Variants in MOXD1 observed in about 807,000 individuals in gnomAD.
MOXD1 encodes monooxygenase DBH like 1.
Under a neutral mutation model 66.6 loss-of-function variants are expected in MOXD1, and 62 were observed. The ratio of observed to expected loss-of-function variants is 0.93; its 90% CI spans 0.76 to 1.15. The LOEUF (loss-of-function observed/expected upper bound fraction) is 1.15. Among genes scored for constraint, MOXD1 ranks in the 50% most tolerant of loss-of-function variants. The probability of loss-of-function intolerance (pLI) is 0.00; values close to 1 mark genes in which losing one functional copy is unlikely to be tolerated. For missense variants in MOXD1, 847 were observed against 754.6 expected (o/e 1.12, Z -1.44); for synonymous variants, 303 against 281.9 (o/e 1.07, Z -0.75).
intron 2 of MOXD1, 151 bp downstream of exon 2, chr6:132,374,480 A>T (rs1776333034): frequency 2.5e-6 from 2 of 808,106 alleles, no homozygotes. Flanking sequence ...GTAAAAAAGA[A>T]AAAACTAAAA....
intron 4 of MOXD1, among the ~76,000 whole-genome samples, chr6:132,345,580 C>T (rs1775652689): frequency 6.6e-6 from 1 of 152,104 alleles, no homozygotes; most frequent in Admixed American, 6.6e-5. Flanking sequence ...TTGTGGTAAG[C>T]TATCATACTT....
intron 4 of MOXD1, among the ~76,000 whole-genome samples, chr6:132,349,434 TAC>T (rs1349053790): frequency 0.15 from 4,616 of 31,232 alleles, 770 homozygotes; most frequent in African/African-American, 0.3. Context: ...TATATATATA[TAC>T]ATATATATAT....
chr6:132,397,650 GAAAGAA>G (rs1776920204), intron 1 of MOXD1, among the ~76,000 whole-genome samples: 1 of 115,670 alleles, frequency 8.6e-6, no homozygotes, highest in South Asian at 2.8e-4. Context: ...AAGAAAGAAA[GAAAGAA>G]AGAAAGAAAG....
At chr6:132,392,312 A>C in intron 1 of MOXD1, 1 of 1,589,400 alleles carries the variant, frequency 6.3e-7, no homozygotes, top group Non-Finnish European at 8.6e-7. Flanking sequence ...GTAAGAAATG[A>C]TAACATATGT....
At chr6:132,355,457 G>C (rs761756980) in intron 4 of MOXD1, among the ~76,000 whole-genome samples, 4 of 152,176 alleles carry the variant, frequency 2.6e-5, no homozygotes, top group Non-Finnish European at 5.9e-5. Context: ...TATGTAGGCT[G>C]GGCCTGCTTC....
chr6:132,348,474 T>A (rs1775713138), intron 4 of MOXD1, among the ~76,000 whole-genome samples: 1 of 152,186 alleles, frequency 6.6e-6, no homozygotes, highest in African/African-American at 2.4e-5. Context: ...GTCTTACAAG[T>A]CTGATTTGTT....
rs1227813005 is a variant in MOXD1, at chr6:132,349,420, T to TAC, written c.664-20828_664-20827dup. Among the ~76,000 whole-genome samples, 4 of 62,508 alleles carry TAC rather than the reference T, an allele frequency of 6.4e-5. 1 individual carries two copies. Among genetic ancestry groups the TAC allele is most frequent in the African/African-American group, 1.0e-4 (1 of 9,678 alleles). The allele number at this position is 62,508 out of a possible 152,430, so 41.0% of individuals were successfully genotyped here. The stretch of plus-strand genomic sequence containing the variant: ...ACATATATATACATATATATATATA[T>TAC]ACATATATATATATACATATATATA... On this transcript the variant is annotated intron_variant, in intron 4 of 11. Coordinates refer to ENST00000367963, the MANE Select transcript of MOXD1 (RefSeq NM_015529.4).
At chr6:132,345,583 T>C (rs1390175933) in intron 4 of MOXD1, among the ~76,000 whole-genome samples, 1 of 152,210 alleles carries the variant, frequency 6.6e-6, no homozygotes, top group Admixed American at 6.5e-5. Context: ...TGGTAAGCTA[T>C]CATACTTAAT....
chr6:132,328,574 T>A lies in MOXD1; in HGVS notation c.684A>T (p.Arg228Ser). The change falls in exon 5 of 12, where the codon AGA becomes AGT. Residue 228 changes from arginine (R) to serine (S), a missense_variant. Arg to Ser is a moderately radical substitution (Grantham distance 110). Coordinates refer to ENST00000367963, the MANE Select transcript of MOXD1 (RefSeq NM_015529.4). ...TGTGGTGCACCAGACTCTCATGGCC[T>A]CTCTGTATCACTGGCTCAACCTACA... ...HVIKVEPVIQ[R>S]GHESLVHHIL... The A allele has an allele frequency of 1.9e-6, 3 of 1,613,558 alleles. No individual in the cohort carries two copies. Among genetic ancestry groups the A allele is most frequent in the Non-Finnish European group, 2.5e-6 (3 of 1,179,738 alleles).
chr6:132,340,080 G>A (rs558271434), intron 4 of MOXD1, among the ~76,000 whole-genome samples: 1 of 152,110 alleles, frequency 6.6e-6, no homozygotes, highest in Non-Finnish European at 1.5e-5. Flanking sequence ...GTGTTGGCCA[G>A]GCTGGTCTCA....
At chr6:132,394,801 G>A (rs1411317092) in intron 1 of MOXD1, among the ~76,000 whole-genome samples, 1 of 152,094 alleles carries the variant, frequency 6.6e-6, no homozygotes, top group Non-Finnish European at 1.5e-5. Flanking sequence ...AATGAGCAAA[G>A]CCTATATAAC....
chr6:132,398,599 C>T (rs1776949442), intron 1 of MOXD1, among the ~76,000 whole-genome samples: 1 of 152,098 alleles, frequency 6.6e-6, no homozygotes, highest in Non-Finnish European at 1.5e-5. Flanking sequence ...AGCAAAATTA[C>T]ACAAAACATG....
intron 4 of MOXD1, among the ~76,000 whole-genome samples, chr6:132,340,444 T>C (rs1389769934): frequency 2.3e-5 from 3 of 129,416 alleles, no homozygotes; most frequent in Non-Finnish European, 3.4e-5. Context: ...ACACTTTCTT[T>C]TTTTTTTTTT....
chr6:132,368,279 T>C (rs2114654922), intron 4 of MOXD1, among the ~76,000 whole-genome samples: 1 of 152,162 alleles, frequency 6.6e-6, no homozygotes, highest in African/African-American at 2.4e-5. Context: ...ACATCTAAAA[T>C]AAAGCTTAAA....
chr6:132,378,976 C>T lies in MOXD1; in HGVS notation c.265-4199G>A, dbSNP rs528904474. Among the ~76,000 whole-genome samples, 7 of 123,958 alleles carry T rather than the reference C, an allele frequency of 5.6e-5. 1 individual carries two copies. The highest frequency in any genetic ancestry group is 5.5e-4 in the South Asian group (2 of 3,616). The allele number at this position is 123,958 out of a possible 152,430, so 81.3% of individuals were successfully genotyped here. A position where few individuals can be genotyped will look rare whatever the true frequency, so the allele number is the denominator to read the frequency against. On this transcript the variant is annotated intron_variant, in intron 1 of 11. Transcript: ENST00000367963. ...GCAATGGCATGATGTCAGCTTGGTG[C>T]GATCTCAGTTTACTGCAACCTCCGC... is the stretch of plus-strand genomic sequence containing the variant.
chr6:132,340,804 G>A (rs113195074), intron 4 of MOXD1, among the ~76,000 whole-genome samples: 23 of 151,888 alleles, frequency 1.5e-4, no homozygotes, highest in Non-Finnish European at 3.1e-4. Context: ...CCGCCACCGC[G>A]CCCGGCTAAT....
At chr6:132,354,868 T>G (rs570666753) in intron 4 of MOXD1, among the ~76,000 whole-genome samples, 117 of 152,186 alleles carry the variant, frequency 7.7e-4, no homozygotes, top group African/African-American at 2.7e-3. Context: ...CCCAGGTCAA[T>G]GGAGTCATCT....
At chr6:132,303,928 A>T (rs1774630224) in intron 10 of MOXD1, among the ~76,000 whole-genome samples, 1 of 140,556 alleles carries the variant, frequency 7.1e-6, no homozygotes, top group East Asian at 2.1e-4. Context: ...CCCTGGACCA[A>T]TCCAATCCAT....
chr6:132,373,640 ATCGGTT>A (rs1290324048), intron 2 of MOXD1, among the ~76,000 whole-genome samples: 4 of 152,302 alleles, frequency 2.6e-5, no homozygotes, highest in East Asian at 1.9e-4. Context: ...GTCAGATGAA[ATCGGTT>A]TCCATTGAGC....
Sources: gnomAD v4.1 joint callset for allele counts (sites outside exome capture counted in the v4.1 genomes callset) on GRCh38, gnomAD v4.1.1 for gene constraint, MANE v1.5 for transcripts, NCBI Gene and HGNC (gene_info 2026-07-23, HGNC 2026-07-21) for gene names.